RPL24: variants seen among roughly 807,000 people sequenced by gnomAD.
RPL24 encodes the protein ribosomal protein L24, also known as large ribosomal subunit protein eL24.
In RPL24, 7 loss-of-function variants were observed where a neutral mutation model predicts 26.4. The ratio of observed to expected loss-of-function variants is 0.27; its 90% CI spans 0.15 to 0.50. RPL24 has a LOEUF of 0.50. Ranked by LOEUF, RPL24 falls within the 20% of genes least tolerant of loss-of-function variation. RPL24 has a pLI of 0.98. For missense variants in RPL24, 109 were observed against 194.9 expected (o/e 0.56, Z 2.62); for synonymous variants, 67 against 65.2 (o/e 1.03, Z -0.13).
intron 3 of RPL24, among the ~76,000 whole-genome samples, chr3:101,684,754 AGC>A (rs1490616475): frequency 1.1e-4 from 13 of 118,024 alleles, no homozygotes; most frequent in Middle Eastern, 4.3e-3. Flanking sequence ...CTCCAGCCTG[AGC>A]AACAGAGGAC....
chr3:101,686,624 G>A lies in RPL24; in HGVS notation c.5+48C>T, dbSNP rs184665154. On this transcript the variant is annotated intron_variant, in intron 1 of 5. Coordinates refer to ENST00000394077, the MANE Select transcript of RPL24 (RefSeq NM_000986.4). Reference sequence around the variant, plus strand: ...GCCATGCCAGGGACGACAGAGAGGAGTTCTGCCCGAGGATGTAAGCGGATT... The same window carrying A: ...GCCATGCCAGGGACGACAGAGAGGAATTCTGCCCGAGGATGTAAGCGGATT... 1.2e-5 allele frequency: 20 copies of A among 1,614,156 alleles called. No homozygotes were observed. In the East Asian group the frequency reaches 4.5e-4, roughly 36 times the overall value.
At chr3:101,682,562 G>A in intron 4 of RPL24, 70 bp from the exon 5 acceptor site, 1 of 1,281,568 alleles carries the variant, frequency 7.8e-7, no homozygotes, top group South Asian at 1.3e-5. Context: ...ATTAGAGTTA[G>A]ACTGTACTGG....
chr3:101,682,197 A>G (rs1937271678), intron 5 of RPL24: 1 of 477,116 alleles, frequency 2.1e-6, no homozygotes, highest in African/African-American at 2.0e-5. Flanking sequence ...ACTTAAACAA[A>G]CAAACAAACA....
rs1396255539 is a variant in RPL24 at position 101,685,889 on chromosome 3, G to C, written c.121C>G (p.Leu41Val). The C allele has an allele frequency of 6.2e-7, 1 of 1,614,032 alleles. No homozygotes were observed. The highest frequency in any genetic ancestry group is 2.2e-5 in the East Asian group (1 of 44,876). The change falls in exon 3 of 6, where the codon CTT (leucine) becomes GTT (valine). Residue 41 changes from leucine (L) to valine (V), a missense_variant. Leu to Val is a conservative substitution (Grantham distance 32, BLOSUM62 1). This residue lies in a region of RPL24 where 69 missense variants were observed against 96.2 expected (regional missense o/e 0.72). Transcript: ENST00000394077. ...FLNAKCESAF[L>V]SKRNPRQINW... ...ATCTGCCGAGGATTCCTCTTGGAAA[G>C]GAAAGCCGACTCGCATTTCGCATTA...
At chr3:101,686,165 G>A (rs890058308) in intron 2 of RPL24, 6 of 577,450 alleles carry the variant, frequency 1.0e-5, no homozygotes, top group Non-Finnish European at 1.5e-5. Flanking sequence ...GCAAAGGACA[G>A]GGTGGTGCGT....
At chr3:101,683,338 T>C (rs1316469022) in intron 3 of RPL24, among the ~76,000 whole-genome samples, 1 of 152,238 alleles carries the variant, frequency 6.6e-6, no homozygotes, top group Non-Finnish European at 1.5e-5. Context: ...GAAGGTATTG[T>C]GGAATCTAAC....
intron 2 of RPL24, 50 bp from the exon 3 acceptor site, chr3:101,685,978 G>C: frequency 1.7e-6 from 2 of 1,195,050 alleles, no homozygotes; most frequent in Non-Finnish European, 1.2e-6. Flanking sequence ...CAAAGTACAA[G>C]AGGCTGAGTA....
chr3:101,684,247 C>G (rs7650435), intron 3 of RPL24, among the ~76,000 whole-genome samples: 49,818 of 151,690 alleles, frequency 0.33, 8,771 homozygotes, highest in Middle Eastern at 0.47. Context: ...TCACTGCAAC[C>G]CCCCACTTCC....
Position 101,685,857 on chromosome 3 carries a change from C to A in RPL24, c.153G>T (p.Trp51Cys). The A allele has an allele frequency of 6.2e-7, 1 of 1,613,712 alleles. No homozygotes were observed. The highest frequency in any genetic ancestry group is 8.5e-7 in the Non-Finnish European group (1 of 1,179,660). Residue 51 changes from tryptophan (W) to cysteine (C), a missense_variant, in exon 3 of 6, where the codon TGG becomes TGT. By Grantham distance (215) the Trp-to-Cys change is radical. This residue lies in a region of RPL24 where 69 missense variants were observed against 96.2 expected (regional missense o/e 0.72). Transcript: ENST00000394077. ...LSKRNPRQIN[W>C]TVLYRRKHKK... ...TGTGCTTCCTTCTGTAGAGGACAGT[C>A]CAGTTTATCTGCCGAGGATTCCTCT...
chr3:101,686,617 G>GT, intron 1 of RPL24, 55 bp downstream of exon 1: 1 of 1,614,046 alleles, frequency 6.2e-7, no homozygotes, highest in Non-Finnish European at 8.5e-7. Context: ...AGGGACGACA[G>GT]AGAGGAGTTC....
At chr3:101,686,107 G>A (rs1450998113) in intron 2 of RPL24, 179 bp from the exon 3 acceptor site, 1 of 587,794 alleles carries the variant, frequency 1.7e-6, no homozygotes, top group African/African-American at 1.9e-5. Flanking sequence ...ACACTATGAA[G>A]GTCCTTGCGT....
chr3:101,683,878 A>T (rs957516015), intron 3 of RPL24, among the ~76,000 whole-genome samples: 2 of 151,498 alleles, frequency 1.3e-5, no homozygotes, highest in African/African-American at 4.9e-5. Flanking sequence ...CGCCCGGCTA[A>T]TTTTTGTATT....
intron 3 of RPL24, among the ~76,000 whole-genome samples, chr3:101,685,189 T>C (rs1383134950): frequency 6.6e-6 from 1 of 152,124 alleles, no homozygotes; most frequent in Non-Finnish European, 1.5e-5. Context: ...TTTTTTTTCC[T>C]GAATAGTCAC....
Position 101,681,225 on chromosome 3 carries a change from GAT to G in RPL24, c.394-12_394-11del, listed in dbSNP as rs746789744. ...CTGCCTTTGTAGGTGCCTGTAAAAAGATAACACAATATTACTCCACAAAACTT... is the reference window on the plus strand; with the variant it reads ...CTGCCTTTGTAGGTGCCTGTAAAAAGAACACAATATTACTCCACAAAACTT... On this transcript the variant is annotated splice_polypyrimidine_tract_variant and intron_variant, in intron 5 of 5. Coordinates refer to ENST00000394077, the MANE Select transcript of RPL24 (RefSeq NM_000986.4). 3 of 1,604,208 alleles carry G rather than the reference GAT, an allele frequency of 1.9e-6. No homozygotes were observed. Among genetic ancestry groups the G allele is most frequent in the Admixed American group, 1.7e-5 (1 of 59,938 alleles).
chr3:101,686,088 AACTGTGTC>A, intron 2 of RPL24, 160 bp from the exon 3 acceptor site: 1 of 602,102 alleles, frequency 1.7e-6, no homozygotes, highest in Admixed American at 2.8e-5. Flanking sequence ...ACTGGCAGGT[AACTGTGTC>A]ACACTATGAA....
intron 2 of RPL24, chr3:101,686,161 G>A (rs952807933): frequency 3.5e-6 from 2 of 578,666 alleles, no homozygotes; most frequent in African/African-American, 3.7e-5. Flanking sequence ...CATAGCAAAG[G>A]ACAGGGTGGT....
At position 101,686,599 on chromosome 3, in the gene RPL24, G is replaced by T. The variant is rs374926702; in HGVS notation, c.6-42C>A. On this transcript the variant is annotated intron_variant, in intron 1 of 5. Transcript: ENST00000394077. Reference sequence around the variant, plus strand: ...AAGTCCATCAGGGAGGGTGTCTACAGCCATGCCAGGGACGACAGAGAGGAG... The same window carrying T: ...AAGTCCATCAGGGAGGGTGTCTACATCCATGCCAGGGACGACAGAGAGGAG... 9.7e-5 allele frequency: 156 copies of T among 1,613,828 alleles called. No individual in the cohort carries two copies. The African/African-American group carries it at 1.6e-3, about 17-fold the overall frequency.
intron 2 of RPL24, 163 bp from the exon 3 acceptor site, chr3:101,686,091 T>G: frequency 5.0e-6 from 3 of 598,312 alleles, no homozygotes; most frequent in Non-Finnish European, 9.0e-6. Flanking sequence ...GGCAGGTAAC[T>G]GTGTCACACT....
At position 101,686,655 on chromosome 3, in the gene RPL24, C is replaced by G; in HGVS notation, c.5+17G>C. The G allele has an allele frequency of 6.2e-7, 1 of 1,614,228 alleles. No individual in the cohort carries two copies. The highest frequency in any genetic ancestry group is 8.5e-7 in the Non-Finnish European group (1 of 1,180,026). ...CCCGAGGATGTAAGCGGATTGGGAA[C>G]CACGGGTCGTGCTTACTTCATGGCG... On this transcript the variant is annotated intron_variant, in intron 1 of 5. Transcript: ENST00000394077.
Sources: allele counts gnomAD v4.1 joint callset (sites outside exome capture counted in the v4.1 genomes callset), GRCh38; gene constraint gnomAD v4.1.1; regional missense constraint gnomAD v4.1.1; transcripts MANE v1.5; gene names NCBI Gene and HGNC (gene_info 2026-07-23, HGNC 2026-07-21).